Variants in WWP1 observed in about 807,000 individuals in gnomAD.
WWP1 encodes NEDD4-like E3 ubiquitin-protein ligase WWP1.
WWP1 carries 49 observed loss-of-function variants against 130.6 expected under a neutral mutation model. That is an observed-to-expected ratio of 0.38 (90% CI 0.30 to 0.48). WWP1 has a LOEUF of 0.48. Ranked by LOEUF, WWP1 falls within the 20% of genes least tolerant of loss-of-function variation. The pLI is 0.99. For missense variants in WWP1, 809 were observed against 1,100.6 expected, an observed-to-expected ratio of 0.74 and a Z score of 3.75; for synonymous variants, 332 against 367.8, an observed-to-expected ratio of 0.90 and a Z score of 1.11.
At chr8:86,457,191 A>G (rs1371715034) in intron 21 of WWP1, among the ~76,000 whole-genome samples, 1 of 151,986 alleles carries the variant, frequency 6.6e-6, no homozygotes, top group Non-Finnish European at 1.5e-5. Context: ...ATATTTTACT[A>G]TACCTAAAAT....
At chr8:86,431,248 T>G (rs1201975688) in intron 12 of WWP1, among the ~76,000 whole-genome samples, 158 bp from the exon 13 acceptor site, 1 of 142,650 alleles carries the variant, frequency 7.0e-6, no homozygotes, top group Non-Finnish European at 1.5e-5. Context: ...TAATATATAT[T>G]ATATTCTATA....
At chr8:86,379,072 G>C (rs549421717) in intron 3 of WWP1, among the ~76,000 whole-genome samples, 28 of 152,274 alleles carry the variant, frequency 1.8e-4, no homozygotes, top group South Asian at 1.0e-3. Context: ...ATCATATACT[G>C]ACTTTTCCTT....
chr8:86,377,719 G>A (rs9642913), intron 3 of WWP1, among the ~76,000 whole-genome samples: 64,539 of 151,892 alleles, frequency 0.42, 15,080 homozygotes, highest in Non-Finnish European at 0.53. Context: ...TATTATCTTC[G>A]ATATTTTAGA....
chr8:86,438,608 C>T lies in WWP1; in HGVS notation c.1773C>T (p.Asp591=). Residue 591 remains aspartate, a synonymous_variant, in exon 17 of 25, where the codon GAC becomes GAT. Coordinates refer to ENST00000517970, the MANE Select transcript of WWP1 (RefSeq NM_007013.4). ...AGATTATGGCATTAAAACCCTATGACTTGAGGAGGCGCTTATATGTAATAT... is the reference window on the plus strand; with the variant it reads ...AGATTATGGCATTAAAACCCTATGATTTGAGGAGGCGCTTATATGTAATAT... The part of the protein sequence containing the change: ...FQQIMALKPY[D]LRRRLYVIFR... 2.5e-5 allele frequency: 40 copies of T among 1,607,780 alleles called. No homozygotes were observed. The highest frequency in any genetic ancestry group is 3.4e-5 in the Non-Finnish European group (40 of 1,178,324).
At chr8:86,434,720 G>A (rs1264457915) in intron 14 of WWP1, among the ~76,000 whole-genome samples, 1 of 152,086 alleles carries the variant, frequency 6.6e-6, no homozygotes. Flanking sequence ...AATAAGTAAT[G>A]CTGTCACTGT....
rs1161415935 is a variant in WWP1, at chr8:86,461,827, T to C, written c.2650T>C (p.Leu884=). The C allele has an allele frequency of 5.0e-6, 8 of 1,613,946 alleles. No homozygotes were observed. Among genetic ancestry groups the C allele is most frequent in the Non-Finnish European group, 5.1e-6 (6 of 1,179,904 alleles). ...TGAAAAAGTTGGCAAAGACACTTGG[T>C]TACCAAGAAGCCATACATGGTAAGT... ...CIEKVGKDTW[L]PRSHTCFNRL... is the part of the protein sequence containing the mutation. Residue 884 remains leucine, a synonymous_variant, in exon 24 of 25, where the codon TTA becomes CTA. Coordinates refer to ENST00000517970, the MANE Select transcript of WWP1 (RefSeq NM_007013.4).
Position 86,431,199 on chromosome 8 carries a change from A to G in WWP1, c.1388-207A>G, listed in dbSNP as rs12680961. Reference sequence around the variant, plus strand: ...CATAATTATCTATAATATAATATATATTATATTCTCTATAATATAATATAT... The same window carrying G: ...CATAATTATCTATAATATAATATATGTTATATTCTCTATAATATAATATAT... On this transcript the variant is annotated intron_variant, in intron 12 of 24. Transcript: ENST00000517970. 2.7e-4 allele frequency among the ~76,000 whole-genome samples: 38 copies of G among 140,618 alleles called. 1 individual carries two copies. In the East Asian group the frequency reaches 5.8e-3, roughly 21 times the overall value. 92.3% of individuals were successfully genotyped at this position (140,618 alleles called of 152,430 possible).
At chr8:86,347,532 G>A (rs917834638) in intron 1 of WWP1, among the ~76,000 whole-genome samples, 8 of 152,172 alleles carry the variant, frequency 5.3e-5, no homozygotes, top group African/African-American at 1.9e-4. Flanking sequence ...CTTTTGTACC[G>A]TGTAGAGGTA....
At chr8:86,398,235 C>T in intron 5 of WWP1, 107 bp from the exon 6 acceptor site, 2 of 1,282,254 alleles carry the variant, frequency 1.6e-6, no homozygotes, top group Non-Finnish European at 1.1e-6. Flanking sequence ...AGAATTCCTT[C>T]CAAATGTCAA....
chr8:86,387,792 G>A (rs767425285), intron 5 of WWP1, among the ~76,000 whole-genome samples: 4 of 152,104 alleles, frequency 2.6e-5, no homozygotes, highest in Non-Finnish European at 5.9e-5. Flanking sequence ...TGAAAGTGCC[G>A]GGATTATAGG....
Position 86,398,637 on chromosome 8 carries a change from A to C in WWP1, c.538A>C (p.Arg180=). 6.2e-7 allele frequency: 1 copy of C among 1,611,886 alleles called. No individual in the cohort carries two copies. Among genetic ancestry groups the C allele is most frequent in the Non-Finnish European group, 8.5e-7 (1 of 1,179,646 alleles). Residue 180 remains arginine (R), a splice_region_variant and synonymous_variant, in exon 7 of 25, where the codon AGG becomes CGG. Transcript: ENST00000517970. ...NGEPSARTTA[R]LAVEGTNGID... Reference sequence around the variant, plus strand: ...AGAGCCTTCAGCAAGGACAACTGCCAGGTAGAATATTTTATTTGAATATGG... The same window carrying C: ...AGAGCCTTCAGCAAGGACAACTGCCCGGTAGAATATTTTATTTGAATATGG...
chr8:86,346,992 A>T (rs1257780662), intron 1 of WWP1, among the ~76,000 whole-genome samples: 1 of 151,974 alleles, frequency 6.6e-6, no homozygotes, highest in Non-Finnish European at 1.5e-5. Context: ...TAACTGCTTT[A>T]TATTTTATTT....
chr8:86,400,924 G>A (rs1201766072), intron 7 of WWP1, among the ~76,000 whole-genome samples: 1 of 151,944 alleles, frequency 6.6e-6, no homozygotes, highest in Non-Finnish European at 1.5e-5. Flanking sequence ...GCTGCTCTGT[G>A]GAGAGCAGTT....
intron 5 of WWP1, among the ~76,000 whole-genome samples, chr8:86,390,132 C>G (rs552676928): frequency 1.3e-5 from 2 of 148,186 alleles, no homozygotes; most frequent in Admixed American, 6.7e-5. Context: ...ACATCTCAGA[C>G]GATGGGCAGC....
chr8:86,414,124 A>G (rs1374434593), intron 9 of WWP1, among the ~76,000 whole-genome samples: 1 of 152,236 alleles, frequency 6.6e-6, no homozygotes, highest in East Asian at 1.9e-4. Flanking sequence ...TATGACCAGC[A>G]TTTGAACACA....
At chr8:86,399,282 T>C (rs1348054064) in intron 7 of WWP1, among the ~76,000 whole-genome samples, 2 of 152,232 alleles carry the variant, frequency 1.3e-5, no homozygotes, top group African/African-American at 4.8e-5. Context: ...TCACAGATTG[T>C]GGCCTTCCTT....
At chr8:86,440,548 T>A in intron 17 of WWP1, 1 of 353,970 alleles carries the variant, frequency 2.8e-6, no homozygotes, top group Admixed American at 3.7e-5. Context: ...GAACCTTATT[T>A]TTCCTCTGGG....
rs1398163539 is a variant in WWP1 at position 86,342,937 on chromosome 8, A to ACGGCG, written c.-115+16_-115+20dup. On this transcript the variant is annotated splice_region_variant and intron_variant, in intron 1 of 24. Coordinates refer to ENST00000517970, the MANE Select transcript of WWP1 (RefSeq NM_007013.4). ...GCCGACAGCTTCGCGCCGGGTAAGG[A>ACGGCG]CGGCGCGGCGCGGGGCTGGGGGTGC... 12 of 166,304 alleles carry ACGGCG rather than the reference A, an allele frequency of 7.2e-5. No homozygotes were observed. The East Asian group carries it at 7.4e-4, about 10-fold the overall frequency. The allele number at this position is 166,304 out of a possible 1,614,324, so 10.3% of individuals were successfully genotyped here.
intron 22 of WWP1, among the ~76,000 whole-genome samples, chr8:86,459,196 C>G (rs1289826773): frequency 6.6e-6 from 1 of 151,562 alleles, no homozygotes; most frequent in East Asian, 1.9e-4. Flanking sequence ...CCACCATGCC[C>G]GGCTAGTTTT....
Sources: gnomAD v4.1 joint callset for allele counts (sites outside exome capture counted in the v4.1 genomes callset) on GRCh38, gnomAD v4.1.1 for gene constraint, MANE v1.5 for transcripts, NCBI Gene and HGNC (gene_info 2026-07-23, HGNC 2026-07-21) for gene names.